Variants in PAX2 observed in about 807,000 individuals in gnomAD.
PAX2 encodes paired box protein Pax-2.
In PAX2, 9 loss-of-function variants were observed where a neutral mutation model predicts 41.7. The observed-to-expected ratio is 0.22, with a 90% CI of 0.13 to 0.38. The LOEUF (loss-of-function observed/expected upper bound fraction) is 0.38. PAX2 is among the 10% of genes least tolerant of loss of function. PAX2 has a pLI of 1.00. For missense variants in PAX2, 418 were observed against 531.6 expected, an observed-to-expected ratio of 0.79 and a Z score of 2.10; for synonymous variants, 221 against 212.7, an observed-to-expected ratio of 1.04 and a Z score of -0.34.
chr10:100,780,357 AC>A (rs1397906915), intron 4 of PAX2, among the ~76,000 whole-genome samples: 1 of 152,184 alleles, frequency 6.6e-6, no homozygotes, highest in African/African-American at 2.4e-5. Flanking sequence ...ACTTGGTGCT[AC>A]TGTAGCCATA....
chr10:100,744,578 G>A (rs1845080015), upstream of PAX2, among the ~76,000 whole-genome samples: 1 of 152,338 alleles, frequency 6.6e-6, no homozygotes, highest in African/African-American at 2.4e-5. Flanking sequence ...GATCCACCGA[G>A]CTAGCAGCGG....
intron 1 of PAX2, chr10:100,747,493 A>G (rs1845235179): frequency 7.4e-6 from 3 of 406,370 alleles, no homozygotes; most frequent in Non-Finnish European, 9.9e-6. Context: ...TTTTTTTTAA[A>G]AGCTAAAATT....
At chr10:100,749,360 T>C (rs1845344838) in intron 1 of PAX2, 1 of 1,026,292 alleles carries the variant, frequency 9.7e-7, no homozygotes, top group Non-Finnish European at 1.2e-6. Context: ...GGATGCTGCT[T>C]CGCACTAGTC....
rs1314802885 is a variant in PAX2, at chr10:100,746,076, ACCCGGAGGAGC to A, written c.-181_-171del. ...CTACTGCAGTTGCAAGCTCCGGCCAACCCGGAGGAGCCCCAGCGGGGAGCGCAGTGCTGCGC... is the reference window on the plus strand; with the variant it reads ...CTACTGCAGTTGCAAGCTCCGGCCAACCCAGCGGGGAGCGCAGTGCTGCGC... On this transcript the variant is annotated 5_prime_UTR_variant, in exon 1 of 10. Transcript: ENST00000355243. 7.7e-5 allele frequency: 115 copies of A among 1,495,484 alleles called. 1 individual carries two copies. The Admixed American group carries it at 2.5e-3, about 33-fold the overall frequency. The allele number at this position is 1,495,484 out of a possible 1,614,324, so 92.6% of individuals were successfully genotyped here. A position where few individuals can be genotyped will look rare whatever the true frequency, so the allele number is the denominator to read the frequency against.
At chr10:100,807,555 A>C (rs2133952582) in intron 6 of PAX2, among the ~76,000 whole-genome samples, 1 of 152,180 alleles carries the variant, frequency 6.6e-6, no homozygotes, top group South Asian at 2.1e-4. Context: ...TCCCTCACCC[A>C]CAGCCCACGG....
At chr10:100,781,490 TC>T in intron 5 of PAX2, 125 bp downstream of exon 5, 7 of 1,005,888 alleles carry the variant, frequency 7.0e-6, no homozygotes, top group Middle Eastern at 2.6e-4. Flanking sequence ...AAAGCCCAGG[TC>T]CCCCCACTGC....
At chr10:100,784,399 G>A (rs925656764) in intron 5 of PAX2, among the ~76,000 whole-genome samples, 6 of 152,190 alleles carry the variant, frequency 3.9e-5, no homozygotes, top group African/African-American at 1.4e-4. Context: ...GACCCTAGAG[G>A]GAATGGAGGG....
intron 3 of PAX2, among the ~76,000 whole-genome samples, chr10:100,763,799 G>A (rs930776133): frequency 1.3e-5 from 2 of 152,226 alleles, no homozygotes; most frequent in Non-Finnish European, 2.9e-5. Context: ...ATGTGGCATA[G>A]TGTTAGAAAG....
chr10:100,755,569 A>G (rs1845597682), intron 3 of PAX2, among the ~76,000 whole-genome samples: 1 of 152,224 alleles, frequency 6.6e-6, no homozygotes, highest in African/African-American at 2.4e-5. Context: ...TGCTTTTATT[A>G]TCGCTCAGGC....
At chr10:100,802,787 G>A (rs1847611316) in intron 5 of PAX2, among the ~76,000 whole-genome samples, 1 of 152,086 alleles carries the variant, frequency 6.6e-6, no homozygotes, top group Non-Finnish European at 1.5e-5. Context: ...TGAAATGGAT[G>A]GTGTCTAATC....
Position 100,806,581 on chromosome 10 carries a change from A to G in PAX2, c.768A>G (p.Ala256=), listed in dbSNP as rs1275226509. The G allele has an allele frequency of 1.9e-6, 3 of 1,614,094 alleles. No individual in the cohort carries two copies. Among genetic ancestry groups the G allele is most frequent in the African/African-American group, 2.7e-5 (2 of 75,066 alleles). ...ERPSYPDVFQ[A]SEHIKSEQGN... is the part of the protein sequence containing the mutation. ...CTTCCTACCCTGACGTCTTCCAGGC[A>G]TCAGAGCACATCAAATCAGAACAGG... The change falls in exon 6 of 10, where the codon GCA becomes GCG. Residue 256 remains alanine (A), a synonymous_variant. Coordinates refer to ENST00000355243, the MANE Select transcript of PAX2 (RefSeq NM_000278.5).
chr10:100,771,224 C>T (rs971022536), intron 3 of PAX2, among the ~76,000 whole-genome samples: 2 of 152,148 alleles, frequency 1.3e-5, no homozygotes, highest in African/African-American at 2.4e-5. Flanking sequence ...TAACCTGGAA[C>T]CTGTGTATTC....
At chr10:100,808,587 C>G (rs918998224) in intron 6 of PAX2, among the ~76,000 whole-genome samples, 1 of 152,132 alleles carries the variant, frequency 6.6e-6, no homozygotes, top group African/African-American at 2.4e-5. Context: ...GACTCTCCCC[C>G]TCCCCAATTT....
intron 3 of PAX2, among the ~76,000 whole-genome samples, chr10:100,777,569 A>G (rs1187903990): frequency 6.6e-6 from 1 of 151,616 alleles, no homozygotes; most frequent in Non-Finnish European, 1.5e-5. Flanking sequence ...TAATTTTTGT[A>G]CTTTTAGTAG....
At chr10:100,782,902 G>T (rs1476775699) in intron 5 of PAX2, among the ~76,000 whole-genome samples, 4 of 152,214 alleles carry the variant, frequency 2.6e-5, no homozygotes, top group Non-Finnish European at 4.4e-5. Flanking sequence ...AAACCCTAAA[G>T]GTCTCTCCCT....
At chr10:100,821,943 CT>C (rs754801271) in intron 7 of PAX2, among the ~76,000 whole-genome samples, 4 of 152,006 alleles carry the variant, frequency 2.6e-5, no homozygotes, top group African/African-American at 7.3e-5. Flanking sequence ...GGGCCTTTCT[CT>C]TTTTTTTGAC....
chr10:100,764,342 A>G (rs749846871), intron 3 of PAX2, among the ~76,000 whole-genome samples: 46 of 151,896 alleles, frequency 3.0e-4, no homozygotes, highest in Non-Finnish European at 5.7e-4. Flanking sequence ...ACAGGGTTTC[A>G]CCTGTTAGCC....
chr10:100,820,668 C>T (rs1487091160), intron 7 of PAX2, among the ~76,000 whole-genome samples: 1 of 152,170 alleles, frequency 6.6e-6, no homozygotes, highest in Non-Finnish European at 1.5e-5. Flanking sequence ...GAGCCGAGAT[C>T]GCACCACTGC....
At chr10:100,754,316 C>A (rs755077056) in intron 3 of PAX2, among the ~76,000 whole-genome samples, 2 of 152,240 alleles carry the variant, frequency 1.3e-5, no homozygotes, top group Admixed American at 6.5e-5. Context: ...GGGTTACTGA[C>A]AATCCCCCGA....
Sources: gnomAD v4.1 joint callset for allele counts (sites outside exome capture counted in the v4.1 genomes callset) on GRCh38, gnomAD v4.1.1 for gene constraint, MANE v1.5 for transcripts, NCBI Gene and HGNC (gene_info 2026-07-23, HGNC 2026-07-21) for gene names.